Variants in MORC3 observed in about 807,000 individuals in gnomAD.
MORC3 encodes MORC family CW-type zinc finger 3.
Under a neutral mutation model 109.1 loss-of-function variants are expected in MORC3, and 31 were observed. The observed-to-expected ratio is 0.28, with a 90% CI of 0.21 to 0.38. The LOEUF is 0.38. MORC3 is among the 10% of genes least tolerant of loss of function. The pLI, the probability that MORC3 is intolerant of heterozygous loss-of-function variation, is 1.00. For missense variants in MORC3, 867 were observed against 1,135.8 expected (o/e 0.76, Z 3.40); for synonymous variants, 395 against 380.7 (o/e 1.04, Z -0.44).
At chr21:36,368,545 G>A (rs916199985) in intron 14 of MORC3, among the ~76,000 whole-genome samples, 4 of 152,244 alleles carry the variant, frequency 2.6e-5, no homozygotes, top group African/African-American at 7.2e-5. Flanking sequence ...TATACAATGC[G>A]TCACTTTAAA....
chr21:36,360,394 C>T, intron 12 of MORC3, 136 bp downstream of exon 12: 1 of 868,984 alleles, frequency 1.2e-6, no homozygotes, highest in African/African-American at 1.7e-5. Flanking sequence ...TGCGTAATAT[C>T]AAGGGCTTTA....
chr21:36,355,829 G>T (rs8128575), intron 9 of MORC3, among the ~76,000 whole-genome samples: 74,422 of 151,348 alleles, frequency 0.49, 19,019 homozygotes, highest in Middle Eastern at 0.65. Context: ...GGTGGCAAGT[G>T]CCTGTGGCCC....
At chr21:36,324,706 A>AT (rs1215853489) in intron 1 of MORC3, among the ~76,000 whole-genome samples, 3,541 of 125,182 alleles carry the variant, frequency 0.028, 76 homozygotes, top group Admixed American at 0.044. Context: ...CAGCCTTCTC[A>AT]TTTTTTTTTT....
rs61741099 is a variant in MORC3 at position 36,364,140 on chromosome 21, C to T, written c.1500C>T (p.Ser500=). ...LFRPTALSTP[S]FSSPKESVPR... Reference sequence around the variant, plus strand: ...GGCCAACTGCTCTTTCAACTCCAAGCTTTTCTTCTCCTAAGGAAAGTGTTC... The same window carrying T: ...GGCCAACTGCTCTTTCAACTCCAAGTTTTTCTTCTCCTAAGGAAAGTGTTC... The change falls in exon 14 of 17, where the codon AGC becomes AGT. Residue 500 remains serine (S), a synonymous_variant. Transcript: ENST00000400485. The T allele has an allele frequency of 0.025, 39,947 of 1,614,036 alleles. 658 individuals are homozygous for T. Among genetic ancestry groups the T allele is most frequent in the Admixed American group, 0.066 (3,976 of 59,944 alleles).
chr21:36,371,556 G>C (rs1273036009), intron 15 of MORC3, among the ~76,000 whole-genome samples: 1 of 152,158 alleles, frequency 6.6e-6, no homozygotes, highest in African/African-American at 2.4e-5. Flanking sequence ...TTGAATCTGT[G>C]CTGAAAATGA....
chr21:36,320,217 C>A lies in MORC3; in HGVS notation c.-48C>A. 2 of 1,563,652 alleles carry A rather than the reference C, an allele frequency of 1.3e-6. No individual in the cohort carries two copies. Among genetic ancestry groups the A allele is most frequent in the Admixed American group, 1.9e-5 (1 of 52,142 alleles). ...GCTCCACAGTCGTTCCGCCACCTCC[C>A]AGTCGGGTTGCGGCGGAGGCCGTTC... On this transcript the variant is annotated 5_prime_UTR_variant, in exon 1 of 17. Transcript: ENST00000400485.
At position 36,374,923 on chromosome 21, in the gene MORC3, G is replaced by A. The variant is rs537944234; in HGVS notation, c.2667-220G>A. 1.9e-3 allele frequency among the ~76,000 whole-genome samples: 287 copies of A among 152,202 alleles called. 1 individual carries two copies. The highest frequency in any genetic ancestry group is 6.3e-3 in the African/African-American group (260 of 41,534). Reference sequence around the variant, plus strand: ...CTGGGCTCCAGCGATCTCCCTCCTCGGCTTCACAAATGCTGGGAATACAGG... The same window carrying A: ...CTGGGCTCCAGCGATCTCCCTCCTCAGCTTCACAAATGCTGGGAATACAGG... On this transcript the variant is annotated intron_variant, in intron 16 of 16. Coordinates refer to ENST00000400485, the MANE Select transcript of MORC3 (RefSeq NM_015358.3).
chr21:36,325,936 G>T (rs2085243026), intron 1 of MORC3, among the ~76,000 whole-genome samples: 1 of 152,056 alleles, frequency 6.6e-6, no homozygotes, highest in Admixed American at 6.6e-5. Flanking sequence ...TTGTTAATTT[G>T]GGCGCAGTGG....
intron 8 of MORC3, among the ~76,000 whole-genome samples, chr21:36,345,839 G>C (rs926187343): frequency 6.6e-6 from 1 of 151,698 alleles, no homozygotes; most frequent in Admixed American, 6.6e-5. Context: ...TTACAGGTGT[G>C]AGCCACCGCG....
At chr21:36,333,801 T>TA in intron 2 of MORC3, 83 bp downstream of exon 2, 1 of 1,140,402 alleles carries the variant, frequency 8.8e-7, no homozygotes, top group Non-Finnish European at 1.3e-6. Context: ...TTTTTTTTTT[T>TA]AAACAGAGTC....
rs1194898409 is a variant in MORC3 at position 36,369,302 on chromosome 21, C to A, written c.1934C>A (p.Pro645Gln). 1 of 1,614,094 alleles carries A rather than the reference C, an allele frequency of 6.2e-7. No individual in the cohort carries two copies. ...ACTGCAGCTACCCAGACTGAAGTAC[C>A]AAGTTTAGTTGTTAAAAAAGAAGAA... Reference protein sequence around the residue: ...GNTAATQTEVPSLVVKKEETV... With the variant: ...GNTAATQTEVQSLVVKKEETV... Residue 645 changes from proline (P) to glutamine (Q), a missense_variant, in exon 15 of 17, where the codon CCA becomes CAA. By Grantham distance (76) the Pro-to-Gln change is moderately conservative. Coordinates refer to ENST00000400485, the MANE Select transcript of MORC3 (RefSeq NM_015358.3).
At chr21:36,351,323 C>T (rs2085570002) in intron 9 of MORC3, among the ~76,000 whole-genome samples, 2 of 152,064 alleles carry the variant, frequency 1.3e-5, no homozygotes, top group Non-Finnish European at 2.9e-5. Flanking sequence ...GCCTTGGCCT[C>T]CCAAAATGGT....
chr21:36,363,292 T>C (rs943751919), intron 13 of MORC3, among the ~76,000 whole-genome samples: 1 of 152,182 alleles, frequency 6.6e-6, no homozygotes, highest in Non-Finnish European at 1.5e-5. Context: ...CAGGCACTTG[T>C]AATTCCAGCT....
chr21:36,340,632 TTCTTTC>T (rs2085433443), intron 5 of MORC3, among the ~76,000 whole-genome samples: 4 of 95,618 alleles, frequency 4.2e-5, no homozygotes, highest in Non-Finnish European at 8.9e-5. Flanking sequence ...TTTTCTTTCT[TTCTTTC>T]TTTTTTTTTT....
intron 1 of MORC3, among the ~76,000 whole-genome samples, chr21:36,330,277 G>C (rs1226597943): frequency 2.0e-5 from 3 of 151,812 alleles, no homozygotes; most frequent in Non-Finnish European, 4.4e-5. Flanking sequence ...AGCCTCTTCT[G>C]TCTTATGCCT....
intron 5 of MORC3, among the ~76,000 whole-genome samples, chr21:36,340,304 A>C (rs1216197459): frequency 6.6e-6 from 1 of 151,230 alleles, no homozygotes; most frequent in Non-Finnish European, 1.5e-5. Flanking sequence ...ACTATAGTAC[A>C]GTAGTACTAT....
intron 2 of MORC3, among the ~76,000 whole-genome samples, chr21:36,334,130 C>T (rs1437125344): frequency 1.3e-5 from 2 of 151,998 alleles, no homozygotes; most frequent in Non-Finnish European, 2.9e-5. Context: ...TGGTGCAGGC[C>T]TGTGGTCCCG....
At chr21:36,368,533 A>C (rs2085806626) in intron 14 of MORC3, among the ~76,000 whole-genome samples, 1 of 152,204 alleles carries the variant, frequency 6.6e-6, no homozygotes. Context: ...AGTGATTGGT[A>C]CTATACAATG....
intron 16 of MORC3, among the ~76,000 whole-genome samples, chr21:36,374,173 T>G (rs554160929): frequency 2.9e-4 from 44 of 152,224 alleles, no homozygotes; most frequent in Non-Finnish European, 5.3e-4. Context: ...CACTGCAACC[T>G]CTGCCTCCCA....
Sources: allele counts gnomAD v4.1 joint callset (sites outside exome capture counted in the v4.1 genomes callset), GRCh38; gene constraint gnomAD v4.1.1; transcripts MANE v1.5; gene names NCBI Gene and HGNC (gene_info 2026-07-23, HGNC 2026-07-21).